DPY19L2: variants seen among roughly 807,000 people sequenced by gnomAD.
DPY19L2 encodes the protein probable C-mannosyltransferase DPY19L2.
A neutral mutation model predicts 97.9 loss-of-function variants in DPY19L2; 34 were observed. The ratio of observed to expected loss-of-function variants is 0.35; its 90% CI spans 0.26 to 0.46. The LOEUF (loss-of-function observed/expected upper bound fraction) is 0.46. Among genes scored for constraint, DPY19L2 ranks in the 20% least tolerant of loss-of-function variants. DPY19L2 has a pLI of 1.00. For synonymous variants in DPY19L2, 230 were observed against 307.9 expected (o/e 0.75, Z 2.65); for missense variants, 623 against 911.4 (o/e 0.68, Z 4.07).
Position 63,583,828 on chromosome 12 carries a change from A to G in DPY19L2, c.1589T>C (p.Leu530Pro), listed in dbSNP as rs780953767. The G allele has an allele frequency of 5.0e-6, 8 of 1,611,158 alleles. 1 individual carries two copies. In the South Asian group the frequency reaches 7.7e-5, roughly 16 times the overall value. The change falls in exon 17 of 22, where the codon CTC (leucine) becomes CCC (proline). Residue 530 changes from leucine (L) to proline (P), a missense_variant. This residue lies in a region of DPY19L2 where 294 missense variants were observed against 446.2 expected (regional missense o/e 0.66). Coordinates refer to ENST00000324472, the MANE Select transcript of DPY19L2 (RefSeq NM_173812.5). ...AAGCTTTACCTCACTGTGTTCAAGG[A>G]GCTGTTTTCTAGAATAAAACAAAAA... ...LATNIYLRKQLLEHSELAFHT... is the reference protein window; with the variant it reads ...LATNIYLRKQPLEHSELAFHT...
At chr12:63,647,508 G>T (rs1893583898) in intron 4 of DPY19L2, 143 bp from the exon 5 acceptor site, 1 of 353,086 alleles carries the variant, frequency 2.8e-6, no homozygotes, top group East Asian at 8.1e-5. Context: ...GGATGAAGCT[G>T]GAAACCATCA....
chr12:63,597,964 T>C (rs1485564939), intron 13 of DPY19L2, 54 bp from the exon 14 acceptor site: 20 of 1,325,664 alleles, frequency 1.5e-5, no homozygotes, highest in East Asian at 7.0e-5. Flanking sequence ...TTATAGCCTA[T>C]AGACAGTAAT....
At chr12:63,573,775 G>A (rs1371888662) in intron 19 of DPY19L2, among the ~76,000 whole-genome samples, 1 of 152,134 alleles carries the variant, frequency 6.6e-6, no homozygotes, top group Admixed American at 6.6e-5. Context: ...AGGAGAGCAT[G>A]CCATGACATA....
rs569002268 is a variant in DPY19L2 at position 63,568,575 on chromosome 12, T to C, written c.2126+649A>G. 8.0e-4 allele frequency among the ~76,000 whole-genome samples: 122 copies of C among 152,188 alleles called. 1 individual carries two copies. Among genetic ancestry groups the C allele is most frequent in the Non-Finnish European group, 1.6e-3 (107 of 67,932 alleles). On this transcript the variant is annotated intron_variant, in intron 21 of 21. Transcript: ENST00000324472. Reference sequence around the variant, plus strand: ...ATTTTAGTTTGCATCTCTGAAACTTTTTGCACATTGTAAATGATATACTGA... The same window carrying C: ...ATTTTAGTTTGCATCTCTGAAACTTCTTGCACATTGTAAATGATATACTGA...
At chr12:63,585,847 A>C (rs1219001995) in intron 16 of DPY19L2, among the ~76,000 whole-genome samples, 1 of 152,168 alleles carries the variant, frequency 6.6e-6, no homozygotes, top group African/African-American at 2.4e-5. Context: ...TAAGAGGATA[A>C]TGCATCCATA....
chr12:63,613,928 C>T (rs1565768519), intron 11 of DPY19L2, among the ~76,000 whole-genome samples: 2 of 151,968 alleles, frequency 1.3e-5, no homozygotes, highest in Non-Finnish European at 2.9e-5. Flanking sequence ...TGGTGGCTGA[C>T]ACCTGTAATC....
At chr12:63,640,953 C>T (rs1427518598) in intron 6 of DPY19L2, among the ~76,000 whole-genome samples, 4 of 152,184 alleles carry the variant, frequency 2.6e-5, no homozygotes, top group East Asian at 3.9e-4. Context: ...AGTGCAGTGG[C>T]GCAATGTCGG....
intron 21 of DPY19L2, among the ~76,000 whole-genome samples, chr12:63,566,162 A>G (rs1877646034): frequency 2.6e-5 from 4 of 152,096 alleles, no homozygotes; most frequent in African/African-American, 9.7e-5. Flanking sequence ...GGAAGAATTT[A>G]GTCCTCTTTC....
intron 5 of DPY19L2, among the ~76,000 whole-genome samples, chr12:63,645,296 C>T (rs1371357719): frequency 6.6e-6 from 1 of 152,108 alleles, no homozygotes; most frequent in South Asian, 2.1e-4. Flanking sequence ...CCTCTCTGAT[C>T]GCTCGTTTCA....
intron 14 of DPY19L2, among the ~76,000 whole-genome samples, chr12:63,596,773 A>G (rs534506291): frequency 6.6e-6 from 1 of 152,308 alleles, no homozygotes; most frequent in South Asian, 2.1e-4. Context: ...TCCTATGAAG[A>G]AAATTGAGCT....
At chr12:63,643,582 A>G (rs1892994779) in intron 6 of DPY19L2, among the ~76,000 whole-genome samples, 1 of 152,196 alleles carries the variant, frequency 6.6e-6, no homozygotes, top group Admixed American at 6.5e-5. Flanking sequence ...CACAATATGG[A>G]TGTTGTTTAT....
At chr12:63,573,313 G>T (rs1324456627) in intron 19 of DPY19L2, among the ~76,000 whole-genome samples, 3 of 151,978 alleles carry the variant, frequency 2.0e-5, no homozygotes, top group Non-Finnish European at 4.4e-5. Flanking sequence ...ACATACTGAA[G>T]AATGTATCAG....
At chr12:63,630,281 C>G (rs1251511491) in intron 6 of DPY19L2, among the ~76,000 whole-genome samples, 1 of 151,118 alleles carries the variant, frequency 6.6e-6, no homozygotes, top group Non-Finnish European at 1.5e-5. Context: ...CAAATTGGAT[C>G]AAGAGTCAAG....
intron 8 of DPY19L2, among the ~76,000 whole-genome samples, chr12:63,622,851 G>A (rs370286639): frequency 3.6e-4 from 55 of 152,200 alleles, no homozygotes; most frequent in East Asian, 1.5e-3. Context: ...GCTTGAACCC[G>A]GGAAGCAGAG....
chr12:63,634,561 GA>G (rs1247698429), intron 6 of DPY19L2, among the ~76,000 whole-genome samples: 1 of 152,124 alleles, frequency 6.6e-6, no homozygotes, highest in African/African-American at 2.4e-5. Flanking sequence ...ACAGTACCTG[GA>G]AAATCCGGAC....
intron 7 of DPY19L2, 91 bp from the exon 8 acceptor site, chr12:63,624,222 A>G: frequency 1.2e-6 from 1 of 857,362 alleles, no homozygotes; most frequent in South Asian, 1.5e-5. Context: ...TAATTTTAAT[A>G]CTAGGCTCAC....
intron 12 of DPY19L2, among the ~76,000 whole-genome samples, chr12:63,605,627 T>A (rs1429721439): frequency 6.6e-6 from 1 of 152,124 alleles, no homozygotes; most frequent in Non-Finnish European, 1.5e-5. Flanking sequence ...CCAAATACCA[T>A]TGTCCTCTAA....
intron 11 of DPY19L2, among the ~76,000 whole-genome samples, chr12:63,613,668 A>G (rs983752634): frequency 6.6e-6 from 1 of 151,990 alleles, no homozygotes; most frequent in African/African-American, 2.4e-5. Context: ...TTTGAAATAA[A>G]ACAAAAATAA....
chr12:63,567,390 C>T (rs1877946481), intron 21 of DPY19L2, among the ~76,000 whole-genome samples: 1 of 152,010 alleles, frequency 6.6e-6, no homozygotes, highest in South Asian at 2.1e-4. Context: ...CAACAAGCAT[C>T]TTTAACATAT....
Sources: gnomAD v4.1 joint callset for allele counts (sites outside exome capture counted in the v4.1 genomes callset) on GRCh38, gnomAD v4.1.1 for gene constraint, gnomAD v4.1.1 regional missense constraint, MANE v1.5 for transcripts, NCBI Gene and HGNC (gene_info 2026-07-23, HGNC 2026-07-21) for gene names.